The following SPIDR variants were observed in gnomAD, a reference collection of about 807,000 sequenced individuals.
SPIDR encodes the protein DNA repair-scaffolding protein.
In SPIDR, 93 loss-of-function variants were observed where a neutral mutation model predicts 104.6. That is an observed-to-expected ratio of 0.89 (90% CI 0.75 to 1.06). SPIDR has a LOEUF of 1.06. SPIDR is among the 50% of genes least tolerant of loss of function. The probability of loss-of-function intolerance (pLI) is 0.00; values close to 1 mark genes in which losing one functional copy is unlikely to be tolerated. For missense variants in SPIDR, 1,154 were observed against 1,111.2 expected (o/e 1.04, Z -0.55); for synonymous variants, 431 against 416.9 (o/e 1.03, Z -0.41).
At chr8:47,437,495 G>T (rs1554693123) in intron 7 of SPIDR, among the ~76,000 whole-genome samples, 1 of 151,804 alleles carries the variant, frequency 6.6e-6, no homozygotes, top group Non-Finnish European at 1.5e-5. Context: ...GTCTATCATT[G>T]TTGGACATTT....
intron 6 of SPIDR, among the ~76,000 whole-genome samples, chr8:47,398,185 G>A (rs1282684443): frequency 5.3e-5 from 8 of 152,218 alleles, no homozygotes; most frequent in African/African-American, 1.7e-4. Flanking sequence ...GAAAGGGAGG[G>A]AAGCCCATTA....
At chr8:47,354,340 CTTTT>C (rs11294456) in intron 5 of SPIDR, among the ~76,000 whole-genome samples, 1 of 142,888 alleles carries the variant, frequency 7.0e-6, no homozygotes. Context: ...CGTTTGCCAT[CTTTT>C]TTTTTTTTCA....
Position 47,402,264 on chromosome 8 carries a change from A to C in SPIDR, c.777-5597A>C, listed in dbSNP as rs1254413114. Among the ~76,000 whole-genome samples the C allele has an allele frequency of 2.6e-5, 4 of 152,222 alleles. 1 individual carries two copies. In the South Asian group the frequency reaches 8.3e-4, roughly 31 times the overall value. On this transcript the variant is annotated intron_variant, in intron 6 of 19. Transcript: ENST00000297423. ...ACAAGAGAAAGCAGGAAAGATCTAA[A>C]ATTAACACCCTAACATCACAATTAA...
intron 16 of SPIDR, 63 bp from the exon 17 acceptor site, chr8:47,727,137 G>A: frequency 7.0e-7 from 1 of 1,434,460 alleles, no homozygotes. Context: ...GCACGTGGAG[G>A]AGCAGAGGAG....
intron 6 of SPIDR, among the ~76,000 whole-genome samples, chr8:47,397,907 G>A (rs1490734498): frequency 6.6e-6 from 1 of 152,258 alleles, no homozygotes; most frequent in South Asian, 2.1e-4. Context: ...TCGCACCATG[G>A]CTACATCAGC....
intron 5 of SPIDR, among the ~76,000 whole-genome samples, chr8:47,359,735 A>C (rs1587661592): frequency 6.6e-6 from 1 of 152,068 alleles, no homozygotes; most frequent in South Asian, 2.1e-4. Context: ...GTGTGTTATG[A>C]TTGTTTTTTG....
intron 8 of SPIDR, among the ~76,000 whole-genome samples, chr8:47,505,325 C>T (rs2081297382): frequency 6.6e-6 from 1 of 152,220 alleles, no homozygotes; most frequent in Non-Finnish European, 1.5e-5. Context: ...CTACCCAAGC[C>T]TCAGCAATGG....
At chr8:47,570,556 T>C (rs1188165958) in intron 8 of SPIDR, among the ~76,000 whole-genome samples, 2 of 152,112 alleles carry the variant, frequency 1.3e-5, no homozygotes, top group African/African-American at 4.8e-5. Context: ...GAAAAAAATA[T>C]TGCACATCAT....
chr8:47,379,430 C>G (rs1214868927), intron 5 of SPIDR, among the ~76,000 whole-genome samples: 1 of 152,058 alleles, frequency 6.6e-6, no homozygotes, highest in Non-Finnish European at 1.5e-5. Flanking sequence ...GCAGTTCCAG[C>G]TACTCGGGAG....
chr8:47,721,803 C>T (rs893192147), intron 16 of SPIDR, among the ~76,000 whole-genome samples: 2 of 152,188 alleles, frequency 1.3e-5, no homozygotes, highest in Admixed American at 6.5e-5. Flanking sequence ...GTCTTGAAGT[C>T]GGGTACTGTC....
intron 7 of SPIDR, among the ~76,000 whole-genome samples, chr8:47,421,805 C>G (rs1308786749): frequency 6.6e-6 from 1 of 152,152 alleles, no homozygotes; most frequent in Non-Finnish European, 1.5e-5. Context: ...ATTTCCTTTT[C>G]TGTTTGTTAA....
At chr8:47,629,068 G>C (rs1588580473) in intron 10 of SPIDR, among the ~76,000 whole-genome samples, 1 of 152,206 alleles carries the variant, frequency 6.6e-6, no homozygotes, top group East Asian at 1.9e-4. Flanking sequence ...TGTTTGAAGA[G>C]ATGCAGGCAT....
chr8:47,702,031 A>C lies in SPIDR; in HGVS notation c.1977+16A>C, dbSNP rs1382628540. On this transcript the variant is annotated intron_variant, in intron 14 of 19. Transcript: ENST00000297423. ...AAAACCACAGGTAATAATCTCTCTC[A>C]ATCTCTCAATCTCTCAGCCTTTCTC... is the stretch of plus-strand genomic sequence containing the variant. 1.3e-6 allele frequency: 2 copies of C among 1,537,968 alleles called. No homozygotes were observed. The highest frequency in any genetic ancestry group is 1.9e-5 in the Admixed American group (1 of 52,026).
intron 8 of SPIDR, among the ~76,000 whole-genome samples, chr8:47,489,529 G>A (rs1254057893): frequency 6.6e-6 from 1 of 152,116 alleles, no homozygotes; most frequent in Non-Finnish European, 1.5e-5. Flanking sequence ...AACCAAAAAA[G>A]AGCCACATTG....
chr8:47,436,807 G>A (rs1010129603), intron 7 of SPIDR, among the ~76,000 whole-genome samples: 3 of 152,200 alleles, frequency 2.0e-5, no homozygotes, highest in Non-Finnish European at 2.9e-5. Flanking sequence ...ACAAGGAGGA[G>A]CTTACCCTGC....
At chr8:47,516,309 A>AT (rs530767771) in intron 8 of SPIDR, among the ~76,000 whole-genome samples, 27 of 152,316 alleles carry the variant, frequency 1.8e-4, no homozygotes, top group Admixed American at 1.5e-3. Flanking sequence ...CATTTTAACC[A>AT]TTTTTAGATG....
At chr8:47,286,422 A>C (rs2038862118) in intron 3 of SPIDR, among the ~76,000 whole-genome samples, 1 of 152,162 alleles carries the variant, frequency 6.6e-6, no homozygotes, top group Non-Finnish European at 1.5e-5. Flanking sequence ...AAAATTACAT[A>C]TATAAGTCTG....
intron 5 of SPIDR, among the ~76,000 whole-genome samples, chr8:47,317,029 C>T (rs746136542): frequency 6.6e-6 from 1 of 152,126 alleles, no homozygotes; most frequent in African/African-American, 2.4e-5. Context: ...GCTTGAGCGA[C>T]GTAGAAGACG....
At chr8:47,552,648 T>G (rs995108261) in intron 8 of SPIDR, among the ~76,000 whole-genome samples, 4 of 152,258 alleles carry the variant, frequency 2.6e-5, no homozygotes, top group East Asian at 1.9e-4. Flanking sequence ...TTGAGCCTAT[T>G]TGTGTCTCTG....
Sources: gnomAD v4.1 joint callset for allele counts (sites outside exome capture counted in the v4.1 genomes callset) on GRCh38, gnomAD v4.1.1 for gene constraint, MANE v1.5 for transcripts, NCBI Gene and HGNC (gene_info 2026-07-23, HGNC 2026-07-21) for gene names.